Variants in ZCCHC7 observed in about 807,000 individuals in gnomAD.
The protein encoded by ZCCHC7 is zinc finger CCHC domain-containing protein 7.
Under a neutral mutation model 52.0 loss-of-function variants are expected in ZCCHC7, and 35 were observed. The observed-to-expected ratio is 0.67, with a 90% CI of 0.51 to 0.89. The LOEUF (loss-of-function observed/expected upper bound fraction) is 0.89, where lower values mean the gene tolerates loss of function less well. Ranked by LOEUF, ZCCHC7 falls within the 40% of genes least tolerant of loss-of-function variation. ZCCHC7 has a pLI of 0.00. For synonymous variants in ZCCHC7, 217 were observed against 221.5 expected (o/e 0.98, Z 0.18); for missense variants, 574 against 649.1 (o/e 0.88, Z 1.26).
chr9:37,304,516 G>C (rs568700988), intron 4 of ZCCHC7, among the ~76,000 whole-genome samples: 1 of 152,200 alleles, frequency 6.6e-6, no homozygotes, highest in East Asian at 1.9e-4. Flanking sequence ...AATTAGCCGG[G>C]CGTGATGGCG....
rs185112458 is a variant in ZCCHC7 at position 37,214,128 on chromosome 9, A to C, written c.610+87186A>C. 3.0e-3 allele frequency among the ~76,000 whole-genome samples: 463 copies of C among 152,152 alleles called. 3 individuals carry two copies. Among genetic ancestry groups the C allele is most frequent in the Non-Finnish European group, 3.2e-3 (218 of 67,906 alleles). On this transcript the variant is annotated intron_variant, in intron 2 of 8. Coordinates refer to ENST00000336755, the MANE Select transcript of ZCCHC7 (RefSeq NM_032226.3). Reference sequence around the variant, plus strand: ...GTTCCCCAAGACATCTGAAATCTTAATTTGCATATCTATGTGGCAAAGCTT... The same window carrying C: ...GTTCCCCAAGACATCTGAAATCTTACTTTGCATATCTATGTGGCAAAGCTT...
intron 2 of ZCCHC7, among the ~76,000 whole-genome samples, chr9:37,207,760 TA>T (rs1399775866): frequency 6.6e-6 from 1 of 152,180 alleles, no homozygotes; most frequent in Non-Finnish European, 1.5e-5. Context: ...CAGTGATTTT[TA>T]AAAATATTTC....
intron 2 of ZCCHC7, among the ~76,000 whole-genome samples, chr9:37,133,650 G>A (rs894820810): frequency 2.0e-5 from 3 of 152,106 alleles, no homozygotes; most frequent in African/African-American, 4.8e-5. Context: ...GTGCGGTGGC[G>A]TTATCTTGGC....
chr9:37,160,622 C>T (rs988352891), intron 2 of ZCCHC7, among the ~76,000 whole-genome samples: 2 of 152,122 alleles, frequency 1.3e-5, no homozygotes, highest in Non-Finnish European at 2.9e-5. Flanking sequence ...GGCAGTGGCT[C>T]ACGCCTATAA....
At chr9:37,246,580 G>A (rs982649523) in intron 2 of ZCCHC7, among the ~76,000 whole-genome samples, 1 of 152,180 alleles carries the variant, frequency 6.6e-6, no homozygotes, top group Non-Finnish European at 1.5e-5. Context: ...CTCTGGGCCA[G>A]TGTGGACCAT....
At chr9:37,347,101 A>T (rs1256340917) in intron 6 of ZCCHC7, among the ~76,000 whole-genome samples, 2 of 152,214 alleles carry the variant, frequency 1.3e-5, no homozygotes, top group Non-Finnish European at 2.9e-5. Context: ...CTTTTCTTCC[A>T]GTCTCCACAA....
chr9:37,191,018 G>A (rs1391881347), intron 2 of ZCCHC7, among the ~76,000 whole-genome samples: 2 of 145,468 alleles, frequency 1.4e-5, no homozygotes, highest in Non-Finnish European at 3.0e-5. Context: ...GCAAAACTCC[G>A]TCTCAAAAAA....
intron 2 of ZCCHC7, among the ~76,000 whole-genome samples, chr9:37,254,053 A>G (rs1826457803): frequency 6.6e-6 from 1 of 151,992 alleles, no homozygotes; most frequent in African/African-American, 2.4e-5. Flanking sequence ...CAGAACATTA[A>G]TGATTGGAAT....
At chr9:37,343,584 G>C (rs191958437) in intron 6 of ZCCHC7, among the ~76,000 whole-genome samples, 1 of 152,122 alleles carries the variant, frequency 6.6e-6, no homozygotes, top group South Asian at 2.1e-4. Context: ...TCAAATTTAG[G>C]CAATAAAGTA....
At chr9:37,214,937 A>G (rs1824425970) in intron 2 of ZCCHC7, among the ~76,000 whole-genome samples, 1 of 152,118 alleles carries the variant, frequency 6.6e-6, no homozygotes, top group African/African-American at 2.4e-5. Context: ...TAATCTTATA[A>G]ATCAGGGTGT....
At chr9:37,355,816 T>C (rs1392642685) in intron 8 of ZCCHC7, among the ~76,000 whole-genome samples, 1 of 152,216 alleles carries the variant, frequency 6.6e-6, no homozygotes, top group Non-Finnish European at 1.5e-5. Flanking sequence ...TTCAAACTCA[T>C]TGTGCAAGGG....
At chr9:37,236,490 C>T (rs997693399) in intron 2 of ZCCHC7, among the ~76,000 whole-genome samples, 2 of 151,780 alleles carry the variant, frequency 1.3e-5, no homozygotes, top group East Asian at 3.9e-4. Flanking sequence ...CTCCTGCGTT[C>T]ACGCCATTCT....
chr9:37,169,541 A>G (rs1588419329), intron 2 of ZCCHC7, among the ~76,000 whole-genome samples: 2 of 152,182 alleles, frequency 1.3e-5, no homozygotes, highest in African/African-American at 4.8e-5. Context: ...TCTTAAGTCT[A>G]ATTCCCCTGG....
At chr9:37,120,525 T>G (rs1842254141), upstream of ZCCHC7, 3 of 399,010 alleles carry the variant, frequency 7.5e-6, no homozygotes, top group Non-Finnish European at 1.3e-5. Context: ...CTCCCGGGTC[T>G]GCGCGGACGC....
chr9:37,337,401 A>C (rs975899111), intron 6 of ZCCHC7, among the ~76,000 whole-genome samples: 4,206 of 23,140 alleles, frequency 0.18, 64 homozygotes, highest in Admixed American at 0.21. Context: ...CTACCCACCC[A>C]CCCCCCCCCC....
intron 2 of ZCCHC7, among the ~76,000 whole-genome samples, chr9:37,173,873 A>G (rs941781003): frequency 1.2e-4 from 19 of 152,132 alleles, no homozygotes; most frequent in Non-Finnish European, 2.5e-4. Context: ...ATTATGGTTT[A>G]TTGTGTAATG....
chr9:37,339,758 G>A (rs570083690), intron 6 of ZCCHC7, among the ~76,000 whole-genome samples: 1 of 152,242 alleles, frequency 6.6e-6, no homozygotes, highest in South Asian at 2.1e-4. Flanking sequence ...TAGTCTTTAA[G>A]CATATGTGTG....
At chr9:37,178,710 T>G (rs770508691) in intron 2 of ZCCHC7, among the ~76,000 whole-genome samples, 36 of 152,314 alleles carry the variant, frequency 2.4e-4, no homozygotes, top group South Asian at 1.0e-3. Context: ...TTACAGATAT[T>G]AAACAGTGAA....
chr9:37,327,911 T>C (rs556938952), intron 6 of ZCCHC7, 77 bp downstream of exon 6: 81 of 1,436,792 alleles, frequency 5.6e-5, no homozygotes, highest in Admixed American at 1.1e-4. Flanking sequence ...CCATAAAATA[T>C]AGACAAGCAT....
Sources: gnomAD v4.1 joint callset for allele counts (sites outside exome capture counted in the v4.1 genomes callset) on GRCh38, gnomAD v4.1.1 for gene constraint, MANE v1.5 for transcripts, NCBI Gene and HGNC (gene_info 2026-07-23, HGNC 2026-07-21) for gene names.